The following ZRANB1 variants were observed in gnomAD, a reference collection of about 807,000 sequenced individuals.
ZRANB1 encodes the protein zinc finger RANBP2-type containing 1.
In ZRANB1, 16 loss-of-function variants were observed where a neutral mutation model predicts 80.5. The observed-to-expected ratio is 0.20, with a 90% CI of 0.13 to 0.30. The LOEUF (loss-of-function observed/expected upper bound fraction) is 0.30. Among genes scored for constraint, ZRANB1 ranks in the 10% least tolerant of loss-of-function variants. The pLI is 1.00. For missense variants in ZRANB1, 576 were observed against 862.6 expected (o/e 0.67, Z 4.16); for synonymous variants, 291 against 293.1 (o/e 0.99, Z 0.07).
chr10:124,977,654 T>C (rs1374076002), intron 5 of ZRANB1, among the ~76,000 whole-genome samples: 1 of 139,860 alleles, frequency 7.2e-6, no homozygotes, highest in Non-Finnish European at 1.5e-5. Flanking sequence ...GAGGCTGCAC[T>C]GAGCCAAGAT....
intron 6 of ZRANB1, among the ~76,000 whole-genome samples, chr10:124,982,533 A>C (rs1047936681): frequency 6.6e-6 from 1 of 152,136 alleles, no homozygotes; most frequent in Non-Finnish European, 1.5e-5. Context: ...TATTTTGTGA[A>C]GCACTTCAGT....
intron 6 of ZRANB1, among the ~76,000 whole-genome samples, chr10:124,982,059 A>C (rs994949425): frequency 7.2e-5 from 6 of 82,836 alleles, no homozygotes; most frequent in African/African-American, 2.6e-4. Context: ...TCCTCACTGC[A>C]GAGCAGGAAG....
chr10:124,923,269 C>T, the ZRANB1 span, among the ~76,000 whole-genome samples: 29 of 149,414 alleles, frequency 1.9e-4, no homozygotes, highest in Non-Finnish European at 3.5e-4. Flanking sequence ...CAGAGCAAGA[C>T]TCTGTCTCAA....
At chr10:124,972,207 CACATA>C in intron 3 of ZRANB1, 89 bp downstream of exon 3, 1 of 1,305,722 alleles carries the variant, frequency 7.7e-7, no homozygotes, top group Non-Finnish European at 1.1e-6. Flanking sequence ...TGTTAGAAAG[CACATA>C]ACATAGCTAC....
chr10:124,940,649 GC>G, upstream of ZRANB1: 1 of 699,946 alleles, frequency 1.4e-6, no homozygotes, highest in Non-Finnish European at 2.1e-6. Context: ...TATGGACTTG[GC>G]AGGCAGGAAC....
At chr10:124,978,793 ATTTTTTT>A (rs35714295) in intron 5 of ZRANB1, among the ~76,000 whole-genome samples, 4 of 115,440 alleles carry the variant, frequency 3.5e-5, no homozygotes, top group African/African-American at 1.3e-4. Flanking sequence ...TTCCCAGCTA[ATTTTTTT>A]TTTTTTTTTT....
intron 1 of ZRANB1, among the ~76,000 whole-genome samples, chr10:124,965,108 A>G (rs1011113871): frequency 6.6e-6 from 1 of 152,204 alleles, no homozygotes. Flanking sequence ...CCTTTATCTC[A>G]TGCCATCCTT....
upstream of ZRANB1, among the ~76,000 whole-genome samples, chr10:124,939,335 C>G (rs1951515008): frequency 6.6e-6 from 1 of 151,828 alleles, no homozygotes; most frequent in Non-Finnish European, 1.5e-5. Context: ...TGCTTATTAT[C>G]TAATATAAGG....
At chr10:124,954,742 C>T (rs886120601) in intron 1 of ZRANB1, among the ~76,000 whole-genome samples, 6 of 151,260 alleles carry the variant, frequency 4.0e-5, no homozygotes, top group African/African-American at 1.2e-4. Context: ...GTCACAGTAC[C>T]TGGCCCCTTT....
chr10:124,940,508 T>C, upstream of ZRANB1: 1 of 1,289,104 alleles, frequency 7.8e-7, no homozygotes, highest in South Asian at 1.2e-5. Context: ...ATTCTAATCA[T>C]GTGCAAGGTG....
In ZRANB1 at chr10:124,987,772, T is replaced by C. The variant is rs1297817143; in HGVS notation, c.*2780T>C. On this transcript the variant is annotated 3_prime_UTR_variant, in exon 9 of 9. Coordinates refer to ENST00000359653, the MANE Select transcript of ZRANB1 (RefSeq NM_017580.3). ...CCATGATTTTCTTGTTTTGTTTTAA[T>C]TGGGAAGGGAAGTATAAGGAAGAGC... is the stretch of plus-strand genomic sequence containing the variant. 6.6e-6 allele frequency: 1 copy of C among 152,192 alleles called. No individual in the cohort carries two copies. Among genetic ancestry groups the C allele is most frequent in the Non-Finnish European group, 1.5e-5 (1 of 68,034 alleles). 9.4% of individuals were successfully genotyped at this position (152,192 alleles called of 1,614,324 possible). A position where few individuals can be genotyped will look rare whatever the true frequency, so the allele number is the denominator to read the frequency against.
Position 124,949,513 on chromosome 10 carries a change from ACACACACAC to A in ZRANB1, c.814+6207_814+6215del, listed in dbSNP as rs1250314259. Among the ~76,000 whole-genome samples the A allele has an allele frequency of 3.6e-5, 4 of 111,598 alleles. No homozygotes were observed. In the East Asian group the frequency reaches 1.1e-3, roughly 31 times the overall value. 73.2% of individuals were successfully genotyped at this position (111,598 alleles called of 152,430 possible). A position where few individuals can be genotyped will look rare whatever the true frequency, so the allele number is the denominator to read the frequency against. ...TTCACGTATACACACACACACACAC[ACACACACAC>A]ATTTTTTTTTTTTTTTTGAGACAGG... On this transcript the variant is annotated intron_variant, in intron 1 of 8. Transcript: ENST00000359653.
chr10:124,919,908 G>GGCCCCC, the ZRANB1 span, among the ~76,000 whole-genome samples: 1 of 56,682 alleles, frequency 1.8e-5, no homozygotes, highest in Non-Finnish European at 2.9e-5. Flanking sequence ...ACCGCGCCCG[G>GGCCCCC]CCCCCCCCCC....
At chr10:124,928,058 G>GAACT in the ZRANB1 span, among the ~76,000 whole-genome samples, 4 of 152,066 alleles carry the variant, frequency 2.6e-5, no homozygotes, top group East Asian at 5.8e-4. Flanking sequence ...ATAAATAAAA[G>GAACT]AACTAAGTTT....
the ZRANB1 span, among the ~76,000 whole-genome samples, chr10:124,922,028 A>C: frequency 1.3e-5 from 2 of 151,996 alleles, no homozygotes; most frequent in African/African-American, 4.8e-5. Flanking sequence ...TGCAGTGCTG[A>C]TCATGACTCA....
intron 1 of ZRANB1, among the ~76,000 whole-genome samples, chr10:124,950,917 G>T (rs766329846): frequency 6.6e-6 from 1 of 152,104 alleles, no homozygotes; most frequent in Admixed American, 6.6e-5. Context: ...AGGCTGCAGC[G>T]GGCCATGATT....
chr10:124,966,748 G>C lies in ZRANB1; in HGVS notation c.969G>C (p.Gln323His), dbSNP rs534472781. Residue 323 changes from glutamine to histidine, a missense_variant, in exon 2 of 9, where the codon CAG becomes CAC. By Grantham distance (24) the Gln-to-His change is conservative. Around this residue, in one of 3 missense-constraint regions of ZRANB1, gnomAD observed 411 missense variants for 583.1 expected, o/e 0.70. Transcript: ENST00000359653. ...TTGTACACTTGGCTATACGTTTTCA[G>C]AGGCAGGATATGCTAGCAATATTGC... ...YTLVHLAIRF[Q>H]RQDMLAILLT... 6.2e-7 allele frequency: 1 copy of C among 1,614,148 alleles called. No individual in the cohort carries two copies. Among genetic ancestry groups the C allele is most frequent in the African/African-American group, 1.3e-5 (1 of 75,042 alleles).
chr10:124,920,926 G>A, the ZRANB1 span, among the ~76,000 whole-genome samples: 19 of 152,112 alleles, frequency 1.2e-4, no homozygotes, highest in African/African-American at 4.1e-4. Context: ...AGTATTTTTG[G>A]TTATAGAGGT....
chr10:124,972,502 C>G (rs1951836017), intron 3 of ZRANB1, among the ~76,000 whole-genome samples: 1 of 151,994 alleles, frequency 6.6e-6, no homozygotes, highest in African/African-American at 2.4e-5. Flanking sequence ...TATTGGTTAC[C>G]TGGTATTAAG....
Sources: allele counts gnomAD v4.1 joint callset (sites outside exome capture counted in the v4.1 genomes callset), GRCh38; gene constraint gnomAD v4.1.1; regional missense constraint gnomAD v4.1.1; transcripts MANE v1.5; gene names NCBI Gene and HGNC (gene_info 2026-07-23, HGNC 2026-07-21).